Variants in CSMD1 observed in about 807,000 individuals in gnomAD.
CSMD1 encodes the protein CUB and Sushi multiple domains 1, also known as CUB and sushi domain-containing protein 1.
CSMD1 carries 213 observed loss-of-function variants against 417.5 expected under a neutral mutation model. The ratio of observed to expected loss-of-function variants is 0.51; its 90% confidence interval spans 0.46 to 0.57. CSMD1 has a LOEUF of 0.57. Ranked by LOEUF, CSMD1 falls within the 20% of genes least tolerant of loss-of-function variation. The pLI is 0.00. For missense variants in CSMD1, 6,923 were observed against 4,529.7 expected (o/e 1.53, Z -15.17); for synonymous variants, 2,862 against 1,736.8 (o/e 1.65, Z -16.11).
At chr8:3,555,453 G>C (rs558645857) in intron 10 of CSMD1, among the ~76,000 whole-genome samples, 73 of 152,260 alleles carry the variant, frequency 4.8e-4, no homozygotes, top group African/African-American at 1.4e-3. Context: ...GGTGGCCCTG[G>C]CAGGTCAGAA....
intron 1 of CSMD1, among the ~76,000 whole-genome samples, chr8:4,662,179 C>CT (rs547147226): frequency 2.0e-5 from 3 of 152,206 alleles, no homozygotes; most frequent in South Asian, 2.1e-4. Context: ...CTATTAAATC[C>CT]TTAAACAGGG....
At chr8:3,669,283 T>C (rs746516798) in intron 7 of CSMD1, among the ~76,000 whole-genome samples, 1 of 152,218 alleles carries the variant, frequency 6.6e-6, no homozygotes, top group Non-Finnish European at 1.5e-5. Flanking sequence ...TTTTCTCATC[T>C]GTCATTTTGT....
rs35735246 is a variant in CSMD1, at chr8:4,668,415, CATTATTATT to C, written c.86-30866_86-30858del. Among the ~76,000 whole-genome samples the C allele has an allele frequency of 9.9e-3, 1,290 of 129,978 alleles. 10 individuals carry two copies. The highest frequency in any genetic ancestry group is 0.024 in the African/African-American group (816 of 34,722). 85.3% of individuals were successfully genotyped at this position (129,978 alleles called of 152,430 possible). A position where few individuals can be genotyped will look rare whatever the true frequency, so the allele number is the denominator to read the frequency against. On this transcript the variant is annotated intron_variant, in intron 1 of 69. Transcript: ENST00000635120. ...ACTCTAACTTGCTTTTGATGTTTTC[CATTATTATT>C]ATTATTATTATTATTATTATTATTA...
intron 7 of CSMD1, among the ~76,000 whole-genome samples, chr8:3,658,795 T>C (rs1309684631): frequency 1.3e-5 from 2 of 152,032 alleles, no homozygotes; most frequent in Non-Finnish European, 2.9e-5. Context: ...AAAATAAAAA[T>C]AAAAATAAAG....
intron 1 of CSMD1, among the ~76,000 whole-genome samples, chr8:4,969,615 C>T (rs1215804212): frequency 6.6e-6 from 1 of 151,888 alleles, no homozygotes; most frequent in Admixed American, 6.6e-5. Context: ...TTCAAATACA[C>T]ATAGGGCTGT....
At chr8:3,702,551 C>G (rs976541464) in intron 7 of CSMD1, among the ~76,000 whole-genome samples, 2 of 152,180 alleles carry the variant, frequency 1.3e-5, no homozygotes, top group South Asian at 2.1e-4. Flanking sequence ...AGAGTGCTGG[C>G]CAGGTGCGGT....
chr8:4,118,558 T>G (rs921884550), intron 3 of CSMD1, among the ~76,000 whole-genome samples: 2 of 152,152 alleles, frequency 1.3e-5, no homozygotes, highest in Non-Finnish European at 2.9e-5. Context: ...CTCACGCCAG[T>G]AAAAATGGCG....
At chr8:3,082,620 T>G (rs1280614152) in intron 49 of CSMD1, among the ~76,000 whole-genome samples, 4 of 152,188 alleles carry the variant, frequency 2.6e-5, no homozygotes, top group Non-Finnish European at 4.4e-5. Context: ...AAGTCTGAAT[T>G]GAAAAGAAAA....
intron 1 of CSMD1, among the ~76,000 whole-genome samples, chr8:4,745,966 G>C (rs1182799704): frequency 6.6e-6 from 1 of 152,186 alleles, no homozygotes; most frequent in Admixed American, 6.5e-5. Flanking sequence ...GGTACGCTTT[G>C]AAGTACAGGC....
chr8:4,429,285 A>C (rs1797737299), intron 2 of CSMD1, among the ~76,000 whole-genome samples: 1 of 152,062 alleles, frequency 6.6e-6, no homozygotes, highest in African/African-American at 2.4e-5. Flanking sequence ...TGAAGAGAAT[A>C]ATTTCTCATC....
chr8:3,671,254 A>T (rs1799018789), intron 7 of CSMD1, among the ~76,000 whole-genome samples: 1 of 144,870 alleles, frequency 6.9e-6, no homozygotes, highest in South Asian at 2.1e-4. Flanking sequence ...TGGGATATAT[A>T]TATGTATATA....
intron 12 of CSMD1, among the ~76,000 whole-genome samples, chr8:3,458,143 C>G (rs1585194960): frequency 6.6e-6 from 1 of 152,236 alleles, no homozygotes; most frequent in East Asian, 1.9e-4. Context: ...CATCTTATCT[C>G]AGTTTACTTT....
intron 6 of CSMD1, 110 bp from the exon 7 acceptor site, chr8:3,708,601 A>C: frequency 2.4e-6 from 2 of 829,616 alleles, no homozygotes; most frequent in Non-Finnish European, 4.1e-6. Flanking sequence ...ACCCCCGAAA[A>C]TGGGAAATGT....
chr8:3,309,362 A>ACTCCTGATGGTGCATGGTTATGAGG (rs1283943978), intron 23 of CSMD1, among the ~76,000 whole-genome samples: 1 of 149,644 alleles, frequency 6.7e-6, no homozygotes, highest in Non-Finnish European at 1.5e-5. Flanking sequence ...TGCCGACCAC[A>ACTCCTGATGGTGCATGGTTATGAGG]CTCCTGATGG....
intron 5 of CSMD1, among the ~76,000 whole-genome samples, chr8:3,879,396 G>C (rs962545558): frequency 2.6e-5 from 4 of 152,080 alleles, no homozygotes; most frequent in African/African-American, 7.2e-5. Flanking sequence ...ATACACTGTA[G>C]CACAAGCCAA....
intron 2 of CSMD1, among the ~76,000 whole-genome samples, chr8:4,474,193 T>A (rs1474758630): frequency 6.6e-6 from 1 of 152,130 alleles, no homozygotes; most frequent in African/African-American, 2.4e-5. Flanking sequence ...AAGTGAAAAT[T>A]TAAATGTAAG....
intron 3 of CSMD1, among the ~76,000 whole-genome samples, chr8:4,264,158 G>C (rs945460902): frequency 8.5e-5 from 13 of 152,060 alleles, no homozygotes; most frequent in African/African-American, 3.1e-4. Flanking sequence ...CTCAGCTCTT[G>C]GGCACTATGC....
intron 1 of CSMD1, among the ~76,000 whole-genome samples, chr8:4,805,056 C>T (rs201761634): frequency 6.6e-6 from 1 of 152,040 alleles, no homozygotes; most frequent in Non-Finnish European, 1.5e-5. Context: ...TGGAGCAGCT[C>T]CAATTTGGAG....
chr8:4,012,428 T>C (rs896997238), intron 4 of CSMD1, among the ~76,000 whole-genome samples: 2 of 152,186 alleles, frequency 1.3e-5, no homozygotes, highest in African/African-American at 4.8e-5. Context: ...TTATGTTTTA[T>C]TCTTAACTTT....
Sources: allele counts gnomAD v4.1 joint callset (sites outside exome capture counted in the v4.1 genomes callset), GRCh38; gene constraint gnomAD v4.1.1; transcripts MANE v1.5; gene names NCBI Gene and HGNC (gene_info 2026-07-23, HGNC 2026-07-21).